The following ARMC3 variants were observed in gnomAD, a reference collection of about 807,000 sequenced individuals.
ARMC3 encodes armadillo repeat containing 3, also known as armadillo repeat-containing protein 3.
ARMC3 carries 74 observed loss-of-function variants against 90.3 expected under a neutral mutation model. The observed-to-expected ratio is 0.82, with a 90% CI of 0.68 to 0.99. The LOEUF (loss-of-function observed/expected upper bound fraction) is 0.99, where lower values mean the gene tolerates loss of function less well. Ranked by LOEUF, ARMC3 falls within the 50% of genes least tolerant of loss-of-function variation. The pLI, the probability that ARMC3 is intolerant of heterozygous loss-of-function variation, is 0.00. For synonymous variants in ARMC3, 334 were observed against 361.8 expected (o/e 0.92, Z 0.87); for missense variants, 958 against 1,042.8 (o/e 0.92, Z 1.12).
At chr10:22,999,285 C>T (rs1837169604) in intron 11 of ARMC3, among the ~76,000 whole-genome samples, 1 of 152,200 alleles carries the variant, frequency 6.6e-6, no homozygotes, top group Admixed American at 6.5e-5. Flanking sequence ...CAGTGGCTCA[C>T]ACTTGTTATC....
chr10:23,001,244 C>T (rs1006817857), intron 11 of ARMC3, among the ~76,000 whole-genome samples: 12 of 152,164 alleles, frequency 7.9e-5, no homozygotes, highest in Non-Finnish European at 1.5e-4. Flanking sequence ...GGCTTAAAGC[C>T]ATGTAAATCG....
At chr10:23,028,659 G>T (rs569282657) in intron 16 of ARMC3, among the ~76,000 whole-genome samples, 1 of 152,276 alleles carries the variant, frequency 6.6e-6, no homozygotes, top group African/African-American at 2.4e-5. Flanking sequence ...TCTGTGGATT[G>T]TCATTCCCAT....
In ARMC3 at chr10:23,038,431, T is replaced by G. The variant is rs1480853634; in HGVS notation, c.*952T>G. 6.6e-6 allele frequency: 1 copy of G among 152,238 alleles called. No homozygotes were observed. Among genetic ancestry groups the G allele is most frequent in the Non-Finnish European group, 1.5e-5 (1 of 68,042 alleles). 9.4% of individuals were successfully genotyped at this position (152,238 alleles called of 1,614,324 possible). On this transcript the variant is annotated 3_prime_UTR_variant, in exon 19 of 19. Coordinates refer to ENST00000298032, the MANE Select transcript of ARMC3 (RefSeq NM_173081.5). Reference sequence around the variant, plus strand: ...CCTAGAAGACGTTTTAAAGTGAATTTGATTTTAGAAATTAAAGCTAAGATT... The same window carrying G: ...CCTAGAAGACGTTTTAAAGTGAATTGGATTTTAGAAATTAAAGCTAAGATT...
rs761980693 is a variant in ARMC3 at position 22,981,370 on chromosome 10, A to G, written c.947A>G (p.Glu316Gly). The change falls in exon 9 of 19, where the codon GAG becomes GGG. Residue 316 changes from glutamate to glycine, a missense_variant. Transcript: ENST00000298032. ...AATAGAAAACTTTTTCATGAACAAG[A>G]GGTTGAAAAGTGCCTTGTAGCCCTT... ...PENRKLFHEQ[E>G]VEKCLVALLG... 2.8e-5 allele frequency: 45 copies of G among 1,606,420 alleles called. No homozygotes were observed. The East Asian group carries it at 9.8e-4, about 35-fold the overall frequency.
Position 23,005,138 on chromosome 10 carries a change from G to A in ARMC3, c.1731+1724G>A, listed in dbSNP as rs531222493. On this transcript the variant is annotated intron_variant, in intron 13 of 18. Coordinates refer to ENST00000298032, the MANE Select transcript of ARMC3 (RefSeq NM_173081.5). ...TGAGGCAGGAGAATGGCGTGAACCCGGAAGGCAGAGCTTGTGGTGAGCCGA... is the reference window on the plus strand; with the variant it reads ...TGAGGCAGGAGAATGGCGTGAACCCAGAAGGCAGAGCTTGTGGTGAGCCGA... Among the ~76,000 whole-genome samples the A allele has an allele frequency of 9.3e-5, 14 of 150,282 alleles. No homozygotes were observed. The South Asian group carries it at 1.3e-3, about 14-fold the overall frequency.
chr10:22,943,038 T>A (rs1656153397), intron 2 of ARMC3, among the ~76,000 whole-genome samples: 1 of 152,208 alleles, frequency 6.6e-6, no homozygotes, highest in African/African-American at 2.4e-5. Flanking sequence ...GAATAATGGT[T>A]ATCTCTCATG....
intron 13 of ARMC3, among the ~76,000 whole-genome samples, chr10:23,005,799 G>A (rs1023592646): frequency 6.6e-6 from 1 of 152,062 alleles, no homozygotes; most frequent in African/African-American, 2.4e-5. Flanking sequence ...GGGAGGCAGA[G>A]GTTGTAGTGA....
chr10:22,988,354 C>A (rs1836552112), intron 10 of ARMC3, among the ~76,000 whole-genome samples: 4 of 152,200 alleles, frequency 2.6e-5, no homozygotes, highest in Admixed American at 2.0e-4. Flanking sequence ...TCACAGTGAC[C>A]AAAGTCCTTT....
At chr10:23,018,618 G>C (rs1257225171) in intron 16 of ARMC3, among the ~76,000 whole-genome samples, 1 of 145,294 alleles carries the variant, frequency 6.9e-6, no homozygotes, top group Non-Finnish European at 1.5e-5. Context: ...CCAGGTTCAA[G>C]CCATTCTCCT....
intron 2 of ARMC3, among the ~76,000 whole-genome samples, chr10:22,939,871 A>T (rs1834254732): frequency 6.6e-6 from 1 of 152,222 alleles, no homozygotes; most frequent in Admixed American, 6.5e-5. Flanking sequence ...GAATAAAAGG[A>T]ACAGGGAGCA....
chr10:23,030,918 C>T, intron 17 of ARMC3, 122 bp downstream of exon 17: 1 of 1,073,658 alleles, frequency 9.3e-7, no homozygotes, highest in South Asian at 1.9e-5. Flanking sequence ...CACTCTGACT[C>T]TGACACAGAA....
intron 2 of ARMC3, among the ~76,000 whole-genome samples, chr10:22,942,183 G>A (rs1355104747): frequency 6.6e-6 from 1 of 152,196 alleles, no homozygotes; most frequent in Non-Finnish European, 1.5e-5. Flanking sequence ...TAAATGGACT[G>A]GGGATCCAAA....
At chr10:23,005,731 G>T (rs1378294642) in intron 13 of ARMC3, among the ~76,000 whole-genome samples, 2 of 152,116 alleles carry the variant, frequency 1.3e-5, no homozygotes, top group Non-Finnish European at 1.5e-5. Context: ...GGGCATGGTG[G>T]CACGCACCTG....
chr10:22,994,480 T>C (rs1836864194), intron 10 of ARMC3, among the ~76,000 whole-genome samples: 1 of 152,168 alleles, frequency 6.6e-6, no homozygotes, highest in African/African-American at 2.4e-5. Context: ...GCAGGATTGC[T>C]TGAGGCCAGA....
At chr10:22,975,432 A>C (rs1440727022) in intron 8 of ARMC3, among the ~76,000 whole-genome samples, 1 of 152,080 alleles carries the variant, frequency 6.6e-6, no homozygotes, top group Non-Finnish European at 1.5e-5. Context: ...AGGTGTAGTG[A>C]TACATGCTTG....
chr10:23,000,902 C>T (rs1223162299), intron 11 of ARMC3, among the ~76,000 whole-genome samples: 9 of 152,116 alleles, frequency 5.9e-5, no homozygotes, highest in Non-Finnish European at 8.8e-5. Context: ...AGACATGAGA[C>T]AAGAACTCTG....
chr10:23,026,286 C>A (rs569586700), intron 16 of ARMC3, among the ~76,000 whole-genome samples: 51 of 152,130 alleles, frequency 3.4e-4, no homozygotes, highest in Middle Eastern at 3.4e-3. Context: ...AAGGACATTA[C>A]AAGAAAATTA....
chr10:23,016,653 C>T (rs1768657414), intron 16 of ARMC3, among the ~76,000 whole-genome samples: 1 of 152,164 alleles, frequency 6.6e-6, no homozygotes, highest in African/African-American at 2.4e-5. Flanking sequence ...ATTAATATAA[C>T]CTGGCAGACT....
intron 3 of ARMC3, among the ~76,000 whole-genome samples, chr10:22,948,707 T>G (rs1834629963): frequency 6.6e-6 from 1 of 152,030 alleles, no homozygotes; most frequent in Non-Finnish European, 1.5e-5. Flanking sequence ...TTTTTGACTT[T>G]AGAGAGCTTT....
Sources: allele counts gnomAD v4.1 joint callset (sites outside exome capture counted in the v4.1 genomes callset), GRCh38; gene constraint gnomAD v4.1.1; transcripts MANE v1.5; gene names NCBI Gene and HGNC (gene_info 2026-07-23, HGNC 2026-07-21).